FAM240B: variants seen among roughly 807,000 people sequenced by gnomAD.
FAM240B encodes family with sequence similarity 240 member B.
intron 1 of FAM240B, among the ~76,000 whole-genome samples, chr9:38,716,735 T>C (rs949768268): frequency 5.3e-5 from 8 of 152,206 alleles, no homozygotes; most frequent in Non-Finnish European, 1.2e-4. Context: ...CTATTTGGCC[T>C]TCACTAATGA....
At chr9:38,719,013 G>A (rs1054383409) in intron 1 of FAM240B, among the ~76,000 whole-genome samples, 2 of 152,090 alleles carry the variant, frequency 1.3e-5, no homozygotes, top group Non-Finnish European at 2.9e-5. Context: ...TTGATCTACA[G>A]GTTCATTGAG....
intron 2 of FAM240B, among the ~76,000 whole-genome samples, chr9:38,700,949 C>T (rs1253259223): frequency 6.6e-6 from 1 of 152,248 alleles, no homozygotes; most frequent in African/African-American, 2.4e-5. Context: ...TCTGGAACAA[C>T]ATCTTGCCAG....
chr9:38,694,917 G>A (rs2118995305), intron 2 of FAM240B, 48 bp from the exon 3 acceptor site: 1 of 398,584 alleles, frequency 2.5e-6, no homozygotes, highest in East Asian at 3.6e-5. Flanking sequence ...GTCTCCAGCT[G>A]TGCTGGTCGA....
At chr9:38,719,690 A>G (rs544772356) in intron 1 of FAM240B, among the ~76,000 whole-genome samples, 1 of 152,276 alleles carries the variant, frequency 6.6e-6, no homozygotes, top group East Asian at 1.9e-4. Context: ...TTATCCATCA[A>G]CCAACATGAG....
At chr9:38,717,627 C>T (rs1821322427) in intron 1 of FAM240B, among the ~76,000 whole-genome samples, 1 of 151,964 alleles carries the variant, frequency 6.6e-6, no homozygotes, top group African/African-American at 2.4e-5. Flanking sequence ...ACTACAGGCG[C>T]CCGCCGCCAC....
rs558226720 is a variant in FAM240B, at chr9:38,708,179, T to C, written c.-3-4177A>G. Among the ~76,000 whole-genome samples the C allele has an allele frequency of 8.5e-5, 13 of 152,346 alleles. No individual in the cohort carries two copies. In the South Asian group the frequency reaches 2.7e-3, roughly 32 times the overall value. ...TGCCCCTCCTAGTGGATGCATTCTC[T>C]ATCTGCAGGTAGAACCTATGTCTTT... On this transcript the variant is annotated intron_variant, in intron 1 of 2. Transcript: ENST00000637493.
At chr9:38,718,255 C>T (rs1437253555) in intron 1 of FAM240B, among the ~76,000 whole-genome samples, 1 of 152,202 alleles carries the variant, frequency 6.6e-6, no homozygotes, top group Admixed American at 6.5e-5. Flanking sequence ...TTGTTCACAT[C>T]TGTAAGTACA....
chr9:38,704,733 G>A (rs772678920), intron 1 of FAM240B, among the ~76,000 whole-genome samples: 8 of 152,042 alleles, frequency 5.3e-5, no homozygotes, highest in Non-Finnish European at 1.0e-4. Context: ...GCTGTCTATC[G>A]AGGACCCGAT....
At chr9:38,706,714 C>T (rs1484448207) in intron 1 of FAM240B, among the ~76,000 whole-genome samples, 1 of 152,170 alleles carries the variant, frequency 6.6e-6, no homozygotes, top group Admixed American at 6.5e-5. Flanking sequence ...TCTCTCTGCA[C>T]CCTGGGACTG....
At chr9:38,712,915 C>T (rs1821271155) in intron 1 of FAM240B, among the ~76,000 whole-genome samples, 1 of 152,160 alleles carries the variant, frequency 6.6e-6, no homozygotes, top group South Asian at 2.1e-4. Flanking sequence ...AGCCACTTCC[C>T]TCCTTCATTT....
At chr9:38,696,434 T>C (rs1412237181) in intron 2 of FAM240B, among the ~76,000 whole-genome samples, 1 of 152,076 alleles carries the variant, frequency 6.6e-6, no homozygotes, top group Non-Finnish European at 1.5e-5. Context: ...CAGGAAAGAA[T>C]GGAAAGAATC....
At chr9:38,718,685 CAT>C (rs895939717) in intron 1 of FAM240B, among the ~76,000 whole-genome samples, 3 of 151,854 alleles carry the variant, frequency 2.0e-5, no homozygotes, top group African/African-American at 7.3e-5. Flanking sequence ...TTTAAATAAA[CAT>C]AAACATTAAT....
At chr9:38,695,352 C>T (rs769264744) in intron 2 of FAM240B, among the ~76,000 whole-genome samples, 3 of 152,224 alleles carry the variant, frequency 2.0e-5, no homozygotes, top group Non-Finnish European at 2.9e-5. Flanking sequence ...GACACCCCGT[C>T]TCTACTAACA....
At chr9:38,712,645 T>C (rs913217739) in intron 1 of FAM240B, among the ~76,000 whole-genome samples, 1 of 152,212 alleles carries the variant, frequency 6.6e-6, no homozygotes, top group African/African-American at 2.4e-5. Flanking sequence ...TGTCTATTCA[T>C]TGGGTGCTGA....
intron 1 of FAM240B, among the ~76,000 whole-genome samples, chr9:38,706,835 C>T (rs1488466476): frequency 6.6e-6 from 1 of 152,210 alleles, no homozygotes. Flanking sequence ...AATTTCTAGC[C>T]ACTGGACATT....
At chr9:38,703,328 A>G (rs1397726746) in intron 2 of FAM240B, among the ~76,000 whole-genome samples, 1 of 152,204 alleles carries the variant, frequency 6.6e-6, no homozygotes, top group Non-Finnish European at 1.5e-5. Context: ...ACCGATCTCA[A>G]GTCTGTAGCC....
At chr9:38,695,519 C>T (rs918626778) in intron 2 of FAM240B, among the ~76,000 whole-genome samples, 6 of 152,056 alleles carry the variant, frequency 3.9e-5, no homozygotes, top group African/African-American at 1.4e-4. Flanking sequence ...AGCAAGACTC[C>T]GTCTCAAAAA....
chr9:38,713,422 G>T (rs559786221), intron 1 of FAM240B, among the ~76,000 whole-genome samples: 1 of 139,576 alleles, frequency 7.2e-6, no homozygotes, highest in African/African-American at 2.7e-5. Flanking sequence ...AGCTTGCAGT[G>T]AGCCGAGATC....
rs1821046397 is a variant in FAM240B, at chr9:38,694,693, A to T, written c.*83T>A. Reference sequence around the variant, plus strand: ...CAAATAGAGAGCGTCCTGTTTAGTAAATCAGCACAACTTGAGTGTTAGTTT... The same window carrying T: ...CAAATAGAGAGCGTCCTGTTTAGTATATCAGCACAACTTGAGTGTTAGTTT... On this transcript the variant is annotated 3_prime_UTR_variant, in exon 3 of 3. Transcript: ENST00000637493. The T allele has an allele frequency of 2.5e-6, 1 of 397,564 alleles. No individual in the cohort carries two copies. The highest frequency in any genetic ancestry group is 4.4e-6 in the Non-Finnish European group (1 of 225,708). 24.6% of individuals were successfully genotyped at this position (397,564 alleles called of 1,614,324 possible).
Sources: gnomAD v4.1 joint callset for allele counts (sites outside exome capture counted in the v4.1 genomes callset) on GRCh38, gnomAD v4.1.1 for gene constraint, MANE v1.5 for transcripts, NCBI Gene and HGNC (gene_info 2026-07-23, HGNC 2026-07-21) for gene names.